ROBO2: variants seen among roughly 807,000 people sequenced by gnomAD.
The protein encoded by ROBO2 is roundabout homolog 2.
A neutral mutation model predicts 160.8 loss-of-function variants in ROBO2; 53 were observed. That is an observed-to-expected ratio of 0.33 (90% CI 0.26 to 0.41). ROBO2 has a LOEUF of 0.41. Among genes scored for constraint, ROBO2 ranks in the 10% least tolerant of loss-of-function variants. ROBO2 has a pLI of 1.00. For synonymous variants in ROBO2, 664 were observed against 611.7 expected, an observed-to-expected ratio of 1.09 and a Z score of -1.26; for missense variants, 1,577 against 1,722.4, an observed-to-expected ratio of 0.92 and a Z score of 1.49.
chr3:76,453,707 C>A (rs1179553427), intron 2 of ROBO2, among the ~76,000 whole-genome samples: 1 of 152,080 alleles, frequency 6.6e-6, no homozygotes, highest in African/African-American at 2.4e-5. Flanking sequence ...ACCTGCCAAA[C>A]ATGTCATGGG....
chr3:76,113,270 C>A (rs922536592), intron 2 of ROBO2, among the ~76,000 whole-genome samples: 1 of 152,058 alleles, frequency 6.6e-6, no homozygotes, highest in Non-Finnish European at 1.5e-5. Flanking sequence ...CAGCTGAATT[C>A]TAAACATGGG....
At chr3:77,563,015 G>A in intron 10 of ROBO2, 152 bp from the exon 12 acceptor site, 1 of 720,950 alleles carries the variant, frequency 1.4e-6, no homozygotes, top group Non-Finnish European at 2.4e-6. Context: ...TAACATGTAG[G>A]AGAAGCAAAC....
intron 2 of ROBO2, among the ~76,000 whole-genome samples, chr3:76,724,168 C>T (rs960186481): frequency 6.6e-6 from 1 of 152,144 alleles, no homozygotes; most frequent in African/African-American, 2.4e-5. Flanking sequence ...GATGTTTTAG[C>T]ATTCTCCTGT....
chr3:76,065,978 G>A (rs1379300291), intron 2 of ROBO2, among the ~76,000 whole-genome samples: 2 of 128,430 alleles, frequency 1.6e-5, no homozygotes, highest in Admixed American at 1.6e-4. Flanking sequence ...TGAACCCTAA[G>A]TACAATTTAG....
At chr3:77,559,725 C>T (rs1429181174) in intron 9 of ROBO2, among the ~76,000 whole-genome samples, 1 of 152,008 alleles carries the variant, frequency 6.6e-6, no homozygotes, top group East Asian at 1.9e-4. Flanking sequence ...CTATATCATA[C>T]AGACGTATAT....
chr3:77,166,668 C>T (rs1002031942), intron 2 of ROBO2, among the ~76,000 whole-genome samples: 1 of 152,176 alleles, frequency 6.6e-6, no homozygotes, highest in Non-Finnish European at 1.5e-5. Context: ...CCGCCATTCT[C>T]CTGCCTCAGC....
intron 2 of ROBO2, among the ~76,000 whole-genome samples, chr3:76,213,576 A>T (rs576511301): frequency 6.6e-6 from 1 of 152,168 alleles, no homozygotes; most frequent in African/African-American, 2.4e-5. Context: ...ACCTTTATAC[A>T]TCTATTTTTA....
At chr3:77,149,034 A>ATT (rs71104654) in intron 2 of ROBO2, among the ~76,000 whole-genome samples, 109 of 126,086 alleles carry the variant, frequency 8.6e-4, no homozygotes, top group African/African-American at 2.5e-3. Context: ...GACAAAGTAA[A>ATT]TTTTTTTTTT....
intron 2 of ROBO2, among the ~76,000 whole-genome samples, chr3:76,037,150 GAATT>G (rs1171077399): frequency 6.6e-6 from 1 of 151,578 alleles, no homozygotes; most frequent in African/African-American, 2.4e-5. Flanking sequence ...AAATAATTCA[GAATT>G]ATTTACTCAT....
intron 2 of ROBO2, among the ~76,000 whole-genome samples, chr3:76,709,696 C>T (rs1373685278): frequency 6.6e-6 from 1 of 152,134 alleles, no homozygotes; most frequent in Admixed American, 6.5e-5. Context: ...TGCCATAGTG[C>T]TCATTACATC....
intron 2 of ROBO2, among the ~76,000 whole-genome samples, chr3:76,150,385 CTTTT>C (rs1269825069): frequency 6.2e-4 from 3 of 4,826 alleles, no homozygotes; most frequent in South Asian, 9.3e-3. Context: ...TAAAGCACAC[CTTTT>C]TAAAACACAC....
At chr3:75,912,661 G>A (rs1299526350) in intron 1 of ROBO2, among the ~76,000 whole-genome samples, 1 of 152,078 alleles carries the variant, frequency 6.6e-6, no homozygotes, top group South Asian at 2.1e-4. Context: ...GGTTGCTTAC[G>A]TGTAGCTGCG....
Position 76,351,786 on chromosome 3 carries a change from C to T in ROBO2, c.109+414184C>T, listed in dbSNP as rs79120987. Among the ~76,000 whole-genome samples the T allele has an allele frequency of 2.6e-4, 39 of 152,020 alleles. No individual in the cohort carries two copies. In the East Asian group the frequency reaches 7.2e-3, roughly 28 times the overall value. ...TGGGTTTAATTTCCACATCTACCTA[C>T]TATTAACTATGTGACTTTGAGTAAA... On this transcript the variant is annotated intron_variant, in intron 2 of 26. Transcript: ENST00000487694.
At chr3:77,437,242 T>C (rs553220285) in intron 2 of ROBO2, among the ~76,000 whole-genome samples, 1 of 151,994 alleles carries the variant, frequency 6.6e-6, no homozygotes, top group Non-Finnish European at 1.5e-5. Context: ...TTGAGAAATT[T>C]TTAATTTTCA....
At chr3:77,550,237 T>G (rs2153652922) in intron 7 of ROBO2, among the ~76,000 whole-genome samples, 1 of 152,210 alleles carries the variant, frequency 6.6e-6, no homozygotes, top group African/African-American at 2.4e-5. Flanking sequence ...TTGCTTAAAT[T>G]GTAGCATTTG....
chr3:76,575,912 AT>A (rs5850266), intron 2 of ROBO2, among the ~76,000 whole-genome samples: 12,091 of 151,708 alleles, frequency 0.08, 731 homozygotes, highest in East Asian at 0.23. Flanking sequence ...ATATGCTATC[AT>A]TTTTTTTAGA....
At chr3:76,637,027 G>T (rs531341575) in intron 2 of ROBO2, among the ~76,000 whole-genome samples, 2 of 152,226 alleles carry the variant, frequency 1.3e-5, no homozygotes, top group Admixed American at 6.5e-5. Context: ...TTGGGACTGA[G>T]CAAGCAGCAA....
intron 2 of ROBO2, among the ~76,000 whole-genome samples, chr3:76,493,587 A>G (rs957340320): frequency 6.6e-6 from 1 of 151,858 alleles, no homozygotes; most frequent in African/African-American, 2.4e-5. Flanking sequence ...GCATTTTCAA[A>G]TTTTATATCT....
At chr3:76,311,779 A>G (rs1381648856) in intron 2 of ROBO2, among the ~76,000 whole-genome samples, 1 of 152,194 alleles carries the variant, frequency 6.6e-6, no homozygotes, top group Admixed American at 6.5e-5. Context: ...AATTGTTGGC[A>G]GATTTTGTGA....
Sources: gnomAD v4.1 joint callset for allele counts (sites outside exome capture counted in the v4.1 genomes callset) on GRCh38, gnomAD v4.1.1 for gene constraint, MANE v1.5 for transcripts, NCBI Gene and HGNC (gene_info 2026-07-23, HGNC 2026-07-21) for gene names.